Variants in MED13L observed in about 807,000 individuals in gnomAD.
MED13L encodes mediator complex subunit 13L.
A neutral mutation model predicts 220.9 loss-of-function variants in MED13L; 7 were observed. The ratio of observed to expected loss-of-function variants is 0.03; its 90% CI spans 0.02 to 0.06. MED13L has a LOEUF of 0.06. Ranked by LOEUF, MED13L falls within the 10% of genes least tolerant of loss-of-function variation. MED13L has a pLI of 1.00. For synonymous variants in MED13L, 1,011 were observed against 1,015.2 expected, an observed-to-expected ratio of 1.00 and a Z score of 0.08; for missense variants, 1,965 against 2,760.5, an observed-to-expected ratio of 0.71 and a Z score of 6.46.
intron 4 of MED13L, among the ~76,000 whole-genome samples, chr12:116,043,412 A>G (rs1473406431): frequency 6.6e-6 from 1 of 152,204 alleles, no homozygotes; most frequent in Non-Finnish European, 1.5e-5. Flanking sequence ...TCCTCTCCGA[A>G]TAATTTAGCT....
At chr12:116,094,802 A>C (rs1872523223) in intron 4 of MED13L, among the ~76,000 whole-genome samples, 2 of 152,248 alleles carry the variant, frequency 1.3e-5, no homozygotes, top group African/African-American at 4.8e-5. Context: ...TAAACATAAA[A>C]GCCAAATTTA....
At chr12:116,120,644 T>C (rs1290981034) in intron 2 of MED13L, among the ~76,000 whole-genome samples, 2 of 151,638 alleles carry the variant, frequency 1.3e-5, no homozygotes, top group African/African-American at 4.8e-5. Context: ...TACCAAAAAG[T>C]CTATAAGAAA....
At position 115,980,928 on chromosome 12, in the gene MED13L, C is replaced by T; in HGVS notation, c.5186G>A (p.Cys1729Tyr). The T allele has an allele frequency of 6.2e-7, 1 of 1,608,596 alleles. No homozygotes were observed. Among genetic ancestry groups the T allele is most frequent in the Non-Finnish European group, 8.5e-7 (1 of 1,178,570 alleles). ...CTTCATTGTCTGCAGCATGTACTGG[C>T]AAGGCACAATCTAAAGACACAAATA... ...RNSFILQIVP[C>Y]QYMLQTMKDE... is the part of the protein sequence containing the mutation. The change falls in exon 23 of 31, where the codon TGC becomes TAC. Residue 1729 changes from cysteine to tyrosine, a missense_variant. Physicochemically the swap from Cys to Tyr is radical, Grantham distance 194. Around this residue, in one of 10 missense-constraint regions of MED13L, gnomAD observed 510 missense variants for 620.4 expected, o/e 0.82. Transcript: ENST00000281928.
At chr12:116,031,764 G>GAAAAGAAAAGAA (rs1566020969) in intron 4 of MED13L, among the ~76,000 whole-genome samples, 1 of 114,822 alleles carries the variant, frequency 8.7e-6, no homozygotes, top group African/African-American at 3.0e-5. Context: ...AGAAAAGAAG[G>GAAAAGAAAAGAA]AAGGAAGGAA....
intron 1 of MED13L, among the ~76,000 whole-genome samples, chr12:116,255,427 C>G (rs1215701511): frequency 6.6e-6 from 1 of 152,198 alleles, no homozygotes. Flanking sequence ...TGCTGTAAAA[C>G]TTCTGGAAGA....
intron 2 of MED13L, among the ~76,000 whole-genome samples, chr12:116,144,727 G>C (rs763841089): frequency 3.9e-5 from 6 of 152,172 alleles, no homozygotes; most frequent in Non-Finnish European, 7.4e-5. Flanking sequence ...ATAAAAGTGA[G>C]TGGGTTTTGT....
intron 4 of MED13L, among the ~76,000 whole-genome samples, chr12:116,046,328 G>GA (rs34054979): frequency 0.017 from 2,520 of 150,220 alleles, 41 homozygotes; most frequent in Middle Eastern, 0.034. Context: ...TTGAAACATT[G>GA]AAAAAAAAAT....
chr12:116,102,691 C>CTTTTTTTTT (rs1873158460), intron 3 of MED13L, among the ~76,000 whole-genome samples: 1 of 91,128 alleles, frequency 1.1e-5, no homozygotes, highest in Admixed American at 1.2e-4. Context: ...CCTATATTTT[C>CTTTTTTTTT]TTTTTCTTTT....
intron 2 of MED13L, chr12:116,230,425 A>T (rs1869444648): frequency 1.1e-6 from 1 of 947,136 alleles, no homozygotes; most frequent in African/African-American, 1.8e-5. Flanking sequence ...AAGTAAAATG[A>T]AACTTACTTT....
intron 1 of MED13L, chr12:116,276,438 G>C (rs1873839334): frequency 7.8e-7 from 1 of 1,288,502 alleles, no homozygotes; most frequent in Non-Finnish European, 1.0e-6. Flanking sequence ...ACCTTCCGTC[G>C]GCTCGGTGCA....
At chr12:115,967,106 G>A (rs943417919) in intron 28 of MED13L, among the ~76,000 whole-genome samples, 1 of 142,626 alleles carries the variant, frequency 7.0e-6, no homozygotes. Context: ...AGGAGGCAAA[G>A]GTTGCAGTGA....
intron 1 of MED13L, among the ~76,000 whole-genome samples, chr12:116,251,127 G>A (rs1871512206): frequency 6.8e-6 from 1 of 147,336 alleles, no homozygotes; most frequent in Admixed American, 6.8e-5. Context: ...ATAATCCAAA[G>A]TAGGTTTAAA....
At chr12:116,197,138 T>C (rs998183618) in intron 2 of MED13L, among the ~76,000 whole-genome samples, 2 of 152,084 alleles carry the variant, frequency 1.3e-5, no homozygotes, top group African/African-American at 4.8e-5. Flanking sequence ...ACCCACATAA[T>C]CCTTAAAATT....
chr12:115,991,984 G>A lies in MED13L; in HGVS notation c.2997-27C>T, dbSNP rs199823264. The A allele has an allele frequency of 6.4e-5, 101 of 1,574,588 alleles. No homozygotes were observed. In the African/African-American group the frequency reaches 1.3e-3, roughly 20 times the overall value. On this transcript the variant is annotated intron_variant, in intron 16 of 30. Coordinates refer to ENST00000281928, the MANE Select transcript of MED13L (RefSeq NM_015335.5). The surrounding 1 kb of genome is among the most constrained non-coding windows in gnomAD (Gnocchi z 7.7). ...TACAAAAAGAGAAGGCACCAAGTGA[G>A]GAAGGGCAGCATGTCACAGATGCTG... is the stretch of plus-strand genomic sequence containing the variant.
chr12:116,164,632 C>T (rs1171806903), intron 2 of MED13L, among the ~76,000 whole-genome samples: 4 of 152,122 alleles, frequency 2.6e-5, no homozygotes, highest in Non-Finnish European at 4.4e-5. Context: ...TCCACTATAG[C>T]TTAAGTATAA....
intron 1 of MED13L, among the ~76,000 whole-genome samples, chr12:116,273,199 G>C (rs1286279257): frequency 1.3e-5 from 2 of 152,134 alleles, no homozygotes; most frequent in East Asian, 3.9e-4. Context: ...AGGTATTCCG[G>C]AGGCTGAGGG....
chr12:116,120,147 A>C (rs890825588), intron 2 of MED13L, among the ~76,000 whole-genome samples: 6 of 151,968 alleles, frequency 3.9e-5, no homozygotes, highest in African/African-American at 1.4e-4. Flanking sequence ...CCTCACATCT[A>C]CTTAAAGAGG....
intron 2 of MED13L, among the ~76,000 whole-genome samples, chr12:116,210,492 A>T (rs561968544): frequency 1.3e-5 from 2 of 148,832 alleles, no homozygotes; most frequent in Non-Finnish European, 3.0e-5. Context: ...ATTCTGTTTA[A>T]CACCTCCCTA....
chr12:116,007,022 A>C, intron 11 of MED13L: 2 of 302,396 alleles, frequency 6.6e-6, no homozygotes, highest in South Asian at 7.1e-5. Context: ...CACAGTAAGG[A>C]TAAGAAGCGC....
Sources: gnomAD v4.1 joint callset for allele counts (sites outside exome capture counted in the v4.1 genomes callset) on GRCh38, gnomAD v4.1.1 for gene constraint, gnomAD v4.1.1 regional missense constraint, Gnocchi (gnomAD v3.1) non-coding constraint, MANE v1.5 for transcripts, NCBI Gene and HGNC (gene_info 2026-07-23, HGNC 2026-07-21) for gene names.